KLHL5: variants seen among roughly 807,000 people sequenced by gnomAD.
KLHL5 encodes kelch like family member 5.
Under a neutral mutation model 77.7 loss-of-function variants are expected in KLHL5, and 48 were observed. That is an observed-to-expected ratio of 0.62 (90% confidence interval 0.49 to 0.79). KLHL5 has a LOEUF of 0.79. Ranked by LOEUF, KLHL5 falls within the 30% of genes least tolerant of loss-of-function variation. KLHL5 has a pLI of 0.00. For synonymous variants in KLHL5, 260 were observed against 297.0 expected (o/e 0.88, Z 1.28); for missense variants, 723 against 859.7 (o/e 0.84, Z 1.99).
chr4:39,087,902 G>A (rs1720194964), intron 5 of KLHL5, among the ~76,000 whole-genome samples: 1 of 152,076 alleles, frequency 6.6e-6, no homozygotes. Flanking sequence ...GTTACTGTTT[G>A]TTTTTTACAG....
At chr4:39,067,395 A>C (rs893575360) in intron 1 of KLHL5, among the ~76,000 whole-genome samples, 2 of 152,158 alleles carry the variant, frequency 1.3e-5, no homozygotes, top group African/African-American at 4.8e-5. Flanking sequence ...CACACCATTA[A>C]TCTGTCTTAC....
At chr4:39,099,884 T>C (rs901772613) in intron 6 of KLHL5, among the ~76,000 whole-genome samples, 3 of 152,236 alleles carry the variant, frequency 2.0e-5, no homozygotes, top group African/African-American at 4.8e-5. Flanking sequence ...AGATTTTCCA[T>C]TGTTCAGATA....
chr4:39,052,955 T>C (rs1716764467), intron 1 of KLHL5, among the ~76,000 whole-genome samples: 1 of 152,208 alleles, frequency 6.6e-6, no homozygotes, highest in Admixed American at 6.5e-5. Flanking sequence ...TCGACTGATC[T>C]CCACTAATCT....
rs368721678 is a variant in KLHL5, at chr4:39,112,988, C to A, written c.1689-32C>A. 15 of 1,583,504 alleles carry A rather than the reference C, an allele frequency of 9.5e-6. No homozygotes were observed. In the African/African-American group the frequency reaches 1.9e-4, roughly 20 times the overall value. On this transcript the variant is annotated intron_variant, in intron 8 of 10. Transcript: ENST00000504108. ...TTGTTCTAAGCATAATGGCACATGTCTTATTTATCATTTCATATATTCTTT... is the reference window on the plus strand; with the variant it reads ...TTGTTCTAAGCATAATGGCACATGTATTATTTATCATTTCATATATTCTTT...
chr4:39,127,009 T>A (rs149706206), downstream of KLHL5, among the ~76,000 whole-genome samples: 18 of 152,244 alleles, frequency 1.2e-4, no homozygotes, highest in African/African-American at 4.1e-4. Flanking sequence ...ACCCTTACAC[T>A]CCTGCTTTAA....
At chr4:39,107,151 G>A (rs1355270559) in intron 7 of KLHL5, among the ~76,000 whole-genome samples, 2 of 151,224 alleles carry the variant, frequency 1.3e-5, no homozygotes, top group South Asian at 2.1e-4. Context: ...AGGCTCAAGC[G>A]ATCCTCCTGC....
intron 1 of KLHL5, among the ~76,000 whole-genome samples, chr4:39,066,822 T>C (rs141595286): frequency 6.6e-6 from 1 of 152,238 alleles, no homozygotes; most frequent in Non-Finnish European, 1.5e-5. Flanking sequence ...ATTATCAACC[T>C]AATTCTAATT....
At chr4:39,102,396 A>G (rs1223218211) in intron 6 of KLHL5, among the ~76,000 whole-genome samples, 3 of 151,106 alleles carry the variant, frequency 2.0e-5, no homozygotes, top group Admixed American at 6.6e-5. Flanking sequence ...AAAAAAAAAA[A>G]AAAGAAAAGA....
intron 8 of KLHL5, among the ~76,000 whole-genome samples, chr4:39,108,883 T>C (rs1382041579): frequency 2.0e-5 from 3 of 152,328 alleles, no homozygotes; most frequent in Admixed American, 2.0e-4. Context: ...GACAAAAGAA[T>C]AACTGCCTTC....
At chr4:39,116,060 T>C (rs1722811642) in intron 10 of KLHL5, 6 of 983,968 alleles carry the variant, frequency 6.1e-6, no homozygotes, top group Non-Finnish European at 7.2e-6. Context: ...AGGCCAGGCA[T>C]GGTGGCTTAT....
chr4:39,064,821 T>G (rs1278135350), intron 1 of KLHL5, among the ~76,000 whole-genome samples: 1 of 152,056 alleles, frequency 6.6e-6, no homozygotes, highest in African/African-American at 2.4e-5. Flanking sequence ...AATTTTAAAT[T>G]GACGTTTTTC....
intron 6 of KLHL5, among the ~76,000 whole-genome samples, chr4:39,097,443 C>T (rs1229698363): frequency 1.3e-5 from 2 of 152,164 alleles, no homozygotes; most frequent in African/African-American, 4.8e-5. Flanking sequence ...GTAGAAAAAC[C>T]TGGCACACAG....
At chr4:39,102,214 G>A (rs907670394) in intron 6 of KLHL5, among the ~76,000 whole-genome samples, 4 of 151,542 alleles carry the variant, frequency 2.6e-5, no homozygotes, top group East Asian at 1.9e-4. Flanking sequence ...TAAGGCTAGC[G>A]CGGCTTACAT....
In KLHL5 at chr4:39,122,947, A is replaced by G. The variant is rs976668611; in HGVS notation, c.*1881A>G. Among the ~76,000 whole-genome samples, 4 of 152,152 alleles carry G rather than the reference A, an allele frequency of 2.6e-5. No individual in the cohort carries two copies. The highest frequency in any genetic ancestry group is 5.9e-5 in the Non-Finnish European group (4 of 68,022). On this transcript the variant is annotated 3_prime_UTR_variant, in exon 11 of 11. Coordinates refer to ENST00000504108, the MANE Select transcript of KLHL5 (RefSeq NM_015990.5). ...AATCAGAAAATTTTGGTTCCTTAGT[A>G]TTTAGGGAAGACTTTTGTTTAAATC...
chr4:39,116,123 G>A (rs1043376518), intron 10 of KLHL5: 1 of 679,750 alleles, frequency 1.5e-6, no homozygotes, highest in East Asian at 1.3e-4. Flanking sequence ...ACGAGGTCAG[G>A]AGTTCAAGAC....
chr4:39,065,555 T>A (rs755704277), intron 1 of KLHL5, among the ~76,000 whole-genome samples: 2 of 152,096 alleles, frequency 1.3e-5, no homozygotes, highest in Non-Finnish European at 2.9e-5. Context: ...TGTTTCACCA[T>A]GTTGGCCAGG....
intron 1 of KLHL5, among the ~76,000 whole-genome samples, chr4:39,074,610 C>T (rs1718829648): frequency 6.6e-6 from 1 of 152,154 alleles, no homozygotes; most frequent in African/African-American, 2.4e-5. Flanking sequence ...TTGGTGAACA[C>T]ATAGCAGTTT....
rs767075302 is a variant in KLHL5 at position 39,113,103 on chromosome 4, T to C, written c.1772T>C (p.Leu591Pro). 1.2e-6 allele frequency: 2 copies of C among 1,613,990 alleles called. No homozygotes were observed. The highest frequency in any genetic ancestry group is 8.5e-7 in the Non-Finnish European group (1 of 1,179,864). The change falls in exon 9 of 11, where the codon CTG becomes CCG. Residue 591 changes from leucine to proline, a missense_variant. Leu to Pro is a moderately conservative substitution (Grantham distance 98). Around this residue, in one of 3 missense-constraint regions of KLHL5, gnomAD observed 214 missense variants for 237.4 expected, o/e 0.90. Transcript: ENST00000504108. ...GATCCTCATACTAATAAGTGGACACTGTGTGCACAGATGTCAAAAAGGAGA... is the reference window on the plus strand; with the variant it reads ...GATCCTCATACTAATAAGTGGACACCGTGTGCACAGATGTCAAAAAGGAGA... Reference protein sequence around the residue: ...CFDPHTNKWTLCAQMSKRRGG... With the variant: ...CFDPHTNKWTPCAQMSKRRGG...
chr4:39,127,418 G>A (rs901034247), downstream of KLHL5, among the ~76,000 whole-genome samples: 1 of 152,080 alleles, frequency 6.6e-6, no homozygotes, highest in African/African-American at 2.4e-5. Context: ...AAAGGACGTA[G>A]AGTAAATTTG....
Sources: allele counts gnomAD v4.1 joint callset (sites outside exome capture counted in the v4.1 genomes callset), GRCh38; gene constraint gnomAD v4.1.1; regional missense constraint gnomAD v4.1.1; transcripts MANE v1.5; gene names NCBI Gene and HGNC (gene_info 2026-07-23, HGNC 2026-07-21).